Variants in PLXDC2 observed in about 807,000 individuals in gnomAD.
The protein encoded by PLXDC2 is plexin domain containing 2.
A neutral mutation model predicts 68.9 loss-of-function variants in PLXDC2; 40 were observed. That is an observed-to-expected ratio of 0.58 (90% confidence interval 0.45 to 0.76). The LOEUF (loss-of-function observed/expected upper bound fraction) is 0.76, where lower values mean the gene tolerates loss of function less well. Ranked by LOEUF, PLXDC2 falls within the 30% of genes least tolerant of loss-of-function variation. PLXDC2 has a pLI of 0.00. For missense variants in PLXDC2, 644 were observed against 661.9 expected (o/e 0.97, Z 0.30); for synonymous variants, 243 against 234.2 (o/e 1.04, Z -0.34).
chr10:19,939,697 G>A (rs1833785204), intron 1 of PLXDC2, among the ~76,000 whole-genome samples: 1 of 152,042 alleles, frequency 6.6e-6, no homozygotes, highest in South Asian at 2.1e-4. Flanking sequence ...CCTATCCAAA[G>A]AAAGCATACA....
intron 4 of PLXDC2, among the ~76,000 whole-genome samples, chr10:20,083,929 G>T (rs1426481181): frequency 6.6e-6 from 1 of 152,174 alleles, no homozygotes; most frequent in Non-Finnish European, 1.5e-5. Context: ...TGGTTGAAAT[G>T]TAACAGTCCC....
chr10:20,222,881 C>T (rs1028025823), intron 12 of PLXDC2, among the ~76,000 whole-genome samples: 3 of 152,092 alleles, frequency 2.0e-5, no homozygotes, highest in African/African-American at 7.2e-5. Flanking sequence ...ATCATTTTAT[C>T]TCCAACTGAA....
Position 20,000,276 on chromosome 10 carries a change from T to TTG in PLXDC2, c.113-1498_113-1497insGT, listed in dbSNP as rs377194969. On this transcript the variant is annotated intron_variant, in intron 1 of 13. Transcript: ENST00000377252. ...GCCCTTTATGTACATGAGTTTTTTT[T>TTG]TTTGTTTTGTTTTGTTTTTTTAGCC... Among the ~76,000 whole-genome samples, 8 of 149,876 alleles carry TTG rather than the reference T, an allele frequency of 5.3e-5. No homozygotes were observed. In the East Asian group the frequency reaches 5.9e-4, roughly 11 times the overall value.
At chr10:19,817,228 G>T (rs926564789) in intron 1 of PLXDC2, 37 bp downstream of exon 1, 2 of 1,498,946 alleles carry the variant, frequency 1.3e-6, no homozygotes, top group African/African-American at 2.8e-5. Flanking sequence ...GATTTTGTGC[G>T]CAGCTGAAGA....
chr10:20,043,842 T>G (rs74119607), intron 2 of PLXDC2, among the ~76,000 whole-genome samples: 3,355 of 152,130 alleles, frequency 0.022, 154 homozygotes, highest in African/African-American at 0.076. Context: ...TTTAAAAATT[T>G]TCAGTGAATG....
At chr10:19,847,986 A>C (rs1837041589) in intron 1 of PLXDC2, among the ~76,000 whole-genome samples, 1 of 152,140 alleles carries the variant, frequency 6.6e-6, no homozygotes, top group Non-Finnish European at 1.5e-5. Context: ...CAGTGTTAGA[A>C]CAAAATAGTC....
chr10:19,966,119 C>T (rs557537957), intron 1 of PLXDC2, among the ~76,000 whole-genome samples: 1 of 150,742 alleles, frequency 6.6e-6, no homozygotes, highest in East Asian at 2.0e-4. Context: ...AGTCATATTT[C>T]TTTCTTTCTC....
At chr10:19,971,473 T>C (rs11592411) in intron 1 of PLXDC2, among the ~76,000 whole-genome samples, 7,927 of 152,212 alleles carry the variant, frequency 0.052, 265 homozygotes, top group Middle Eastern at 0.092. Flanking sequence ...AGGTAAGAAT[T>C]CAATAAGAGT....
At chr10:20,027,108 A>G (rs1220010768) in intron 2 of PLXDC2, among the ~76,000 whole-genome samples, 1 of 131,346 alleles carries the variant, frequency 7.6e-6, no homozygotes, top group African/African-American at 3.0e-5. Flanking sequence ...TTTATAATAT[A>G]TTCTAATATA....
At chr10:19,974,458 G>T (rs1232397593) in intron 1 of PLXDC2, among the ~76,000 whole-genome samples, 1 of 152,222 alleles carries the variant, frequency 6.6e-6, no homozygotes, top group Non-Finnish European at 1.5e-5. Flanking sequence ...TACTTCACTG[G>T]CTGATGGCTG....
At chr10:20,025,224 C>A (rs1835378225) in intron 2 of PLXDC2, among the ~76,000 whole-genome samples, 1 of 151,684 alleles carries the variant, frequency 6.6e-6, no homozygotes, top group Non-Finnish European at 1.5e-5. Flanking sequence ...AGTATAAGGG[C>A]TCCCTTTGCT....
chr10:20,062,386 T>G (rs1836122503), intron 3 of PLXDC2, among the ~76,000 whole-genome samples: 1 of 152,096 alleles, frequency 6.6e-6, no homozygotes, highest in Admixed American at 6.6e-5. Context: ...ATCGCACCAT[T>G]GCATTCCAGC....
At chr10:20,198,270 G>A (rs1230940963) in intron 9 of PLXDC2, among the ~76,000 whole-genome samples, 2 of 152,118 alleles carry the variant, frequency 1.3e-5, no homozygotes, top group African/African-American at 2.4e-5. Flanking sequence ...AATGCAAAAT[G>A]TCAGTGAAAA....
chr10:20,249,599 G>T (rs2778975), intron 13 of PLXDC2, among the ~76,000 whole-genome samples: 77,092 of 151,822 alleles, frequency 0.51, 20,281 homozygotes, highest in Middle Eastern at 0.66. Context: ...CTTTTTGTAA[G>T]GCCCCCTTGT....
intron 5 of PLXDC2, among the ~76,000 whole-genome samples, chr10:20,147,323 G>A (rs1834093197): frequency 6.6e-6 from 1 of 152,164 alleles, no homozygotes; most frequent in Non-Finnish European, 1.5e-5. Flanking sequence ...CTCCTTCAAT[G>A]TGGAAAAGTA....
chr10:19,821,945 A>G (rs1589483961), intron 1 of PLXDC2, among the ~76,000 whole-genome samples: 1 of 152,084 alleles, frequency 6.6e-6, no homozygotes. Context: ...TTCATTTTTA[A>G]TAATATGTAT....
intron 13 of PLXDC2, among the ~76,000 whole-genome samples, chr10:20,273,910 A>G (rs1835971575): frequency 6.6e-6 from 1 of 151,970 alleles, no homozygotes; most frequent in Non-Finnish European, 1.5e-5. Flanking sequence ...GTGGTGGTGC[A>G]CTCCTGTCGT....
At chr10:20,122,778 G>T (rs568890626) in intron 4 of PLXDC2, among the ~76,000 whole-genome samples, 1 of 152,176 alleles carries the variant, frequency 6.6e-6, no homozygotes, top group South Asian at 2.1e-4. Context: ...TGAAGGCGAG[G>T]TTAATTAAAT....
chr10:19,948,571 T>C (rs1268681208), intron 1 of PLXDC2, among the ~76,000 whole-genome samples: 1 of 152,068 alleles, frequency 6.6e-6, no homozygotes, highest in Admixed American at 6.6e-5. Flanking sequence ...TGGAAAACTA[T>C]GTCTGGGATC....
Sources: gnomAD v4.1 joint callset for allele counts (sites outside exome capture counted in the v4.1 genomes callset) on GRCh38, gnomAD v4.1.1 for gene constraint, MANE v1.5 for transcripts, NCBI Gene and HGNC (gene_info 2026-07-23, HGNC 2026-07-21) for gene names.